ATG9A: variants seen among roughly 807,000 people sequenced by gnomAD.
The protein encoded by ATG9A is autophagy related 9A, also known as autophagy-related protein 9A.
In ATG9A, 21 loss-of-function variants were observed where a neutral mutation model predicts 87.1. That is an observed-to-expected ratio of 0.24 (90% CI 0.17 to 0.35). The LOEUF (loss-of-function observed/expected upper bound fraction) is 0.35, where lower values mean the gene tolerates loss of function less well. Among genes scored for constraint, ATG9A ranks in the 10% least tolerant of loss-of-function variants. The pLI, the probability that ATG9A is intolerant of heterozygous loss-of-function variation, is 1.00. For synonymous variants in ATG9A, 422 were observed against 441.3 expected, an observed-to-expected ratio of 0.96 and a Z score of 0.55; for missense variants, 836 against 1,107.3, an observed-to-expected ratio of 0.76 and a Z score of 3.48.
At position 219,223,614 on chromosome 2, in the gene ATG9A, T is replaced by A. The variant is rs1950807781; in HGVS notation, c.1570A>T (p.Met524Leu). ...GGATGACCATGCTGGCGAACATCCA[T>A]CTGAGCAAAGGAGCAGGTATCTCCC... The part of the protein sequence containing the change: ...GVGDTCSFAQ[M>L]DVRQHGHPQW... Residue 524 changes from methionine to leucine, a missense_variant, in exon 10 of 16, where the codon ATG becomes TTG. Coordinates refer to ENST00000361242, the MANE Select transcript of ATG9A (RefSeq NM_001077198.3). The surrounding 1 kb of genome is among the most constrained non-coding windows in gnomAD (Gnocchi z 4.7). 1.2e-6 allele frequency: 2 copies of A among 1,611,646 alleles called. No individual in the cohort carries two copies. Among genetic ancestry groups the A allele is most frequent in the African/African-American group, 1.3e-5 (1 of 74,810 alleles).
In ATG9A at chr2:219,223,232, C is replaced by T. The variant is rs923048670; in HGVS notation, c.1600-339G>A. On this transcript the variant is annotated intron_variant, in intron 10 of 15. Coordinates refer to ENST00000361242, the MANE Select transcript of ATG9A (RefSeq NM_001077198.3). This position sits in a 1 kb window ranked among gnomAD's most constrained non-coding sequence, Gnocchi z 4.7. ...CCTCCCGAGTAGCTGGGACTACAGG[C>T]GCCCGCTACCACGCCTGGCTAATTT... Among the ~76,000 whole-genome samples, 28 of 152,034 alleles carry T rather than the reference C, an allele frequency of 1.8e-4. No individual in the cohort carries two copies. Among genetic ancestry groups the T allele is most frequent in the Non-Finnish European group, 3.4e-4 (23 of 68,024 alleles).
Position 219,229,552 on chromosome 2 carries a change from G to A in ATG9A, c.-99C>T, listed in dbSNP as rs1007920214. The A allele has an allele frequency of 6.5e-6, 1 of 152,712 alleles. No homozygotes were observed. Among genetic ancestry groups the A allele is most frequent in the African/African-American group, 2.4e-5 (1 of 41,458 alleles). 9.5% of individuals were successfully genotyped at this position (152,712 alleles called of 1,614,324 possible). On this transcript the variant is annotated 5_prime_UTR_variant, in exon 1 of 16. Transcript: ENST00000361242. The surrounding 1 kb of genome is among the most constrained non-coding windows in gnomAD (Gnocchi z 4.2). ...CGTCTTACCTCAGGAACAGCGACCC[G>A]GGTGATTCCAGAGGCTCCGCCGGCT...
Position 219,222,478 on chromosome 2 carries a change from C to A in ATG9A, c.1849-28G>T. The A allele has an allele frequency of 1.3e-6, 2 of 1,543,450 alleles. No homozygotes were observed. The highest frequency in any genetic ancestry group is 8.7e-7 in the Non-Finnish European group (1 of 1,146,380). Reference sequence around the variant, plus strand: ...ATGAACGAAACGGGTAGGTAGAATTCTTGAGGCAAGAGAAAGGTCTCTGGG... The same window carrying A: ...ATGAACGAAACGGGTAGGTAGAATTATTGAGGCAAGAGAAAGGTCTCTGGG... On this transcript the variant is annotated intron_variant, in intron 11 of 15. Coordinates refer to ENST00000361242, the MANE Select transcript of ATG9A (RefSeq NM_001077198.3). The surrounding 1 kb of genome is among the most constrained non-coding windows in gnomAD (Gnocchi z 4.3).
intron 13 of ATG9A, among the ~76,000 whole-genome samples, chr2:219,221,556 G>T (rs1177835801): frequency 6.6e-6 from 1 of 152,160 alleles, no homozygotes; most frequent in African/African-American, 2.4e-5. Flanking sequence ...CAAACTGACT[G>T]ACGGTCTAAG....
intron 4 of ATG9A, 71 bp downstream of exon 4, chr2:219,227,699 C>G (rs1950891104): frequency 5.8e-6 from 9 of 1,561,312 alleles, no homozygotes; most frequent in Non-Finnish European, 7.9e-6. Context: ...CTACCCCCAC[C>G]TCCCACCAGA....
At chr2:219,221,448 A>G in intron 13 of ATG9A, 146 bp from the exon 14 acceptor site, 3 of 707,178 alleles carry the variant, frequency 4.2e-6, no homozygotes, top group Non-Finnish European at 6.8e-6. Flanking sequence ...ATAGTGTGTA[A>G]TATACCTCTG....
chr2:219,222,249 C>A lies in ATG9A; in HGVS notation c.2027+23G>T. The A allele has an allele frequency of 6.2e-7, 1 of 1,613,494 alleles. No individual in the cohort carries two copies. The highest frequency in any genetic ancestry group is 8.5e-7 in the Non-Finnish European group (1 of 1,179,934). On this transcript the variant is annotated intron_variant, in intron 12 of 15. Coordinates refer to ENST00000361242, the MANE Select transcript of ATG9A (RefSeq NM_001077198.3). The surrounding 1 kb of genome is among the most constrained non-coding windows in gnomAD (Gnocchi z 4.3). ...GCTGCTGAGGGCTGCCGTGCCCTCCCATCTTGGCCCCGATTTACTCACCCA... is the reference window on the plus strand; with the variant it reads ...GCTGCTGAGGGCTGCCGTGCCCTCCAATCTTGGCCCCGATTTACTCACCCA...
At position 219,220,254 on chromosome 2, in the gene ATG9A, C is replaced by T. The variant is rs753991659; in HGVS notation, c.*193G>A. 3.0e-6 allele frequency: 2 copies of T among 674,256 alleles called. No homozygotes were observed. Among genetic ancestry groups the T allele is most frequent in the Non-Finnish European group, 4.9e-6 (2 of 406,006 alleles). The allele number at this position is 674,256 out of a possible 1,614,324, so 41.8% of individuals were successfully genotyped here. The stretch of plus-strand genomic sequence containing the variant: ...CTAGAGTCCCGTGTGCCCTCGGTTC[C>T]TAGGCCCCAAATTCCTCTCCTGGGG... On this transcript the variant is annotated 3_prime_UTR_variant, in exon 16 of 16. Coordinates refer to ENST00000361242, the MANE Select transcript of ATG9A (RefSeq NM_001077198.3).
At chr2:219,226,443 G>A (rs868518134) in intron 5 of ATG9A, among the ~76,000 whole-genome samples, 3 of 152,092 alleles carry the variant, frequency 2.0e-5, no homozygotes, top group African/African-American at 7.2e-5. Context: ...CCGGCACTTC[G>A]GGAGGTTGAG....
At position 219,221,102 on chromosome 2, in the gene ATG9A, C is replaced by G; in HGVS notation, c.2346G>C (p.Gln782His). Residue 782 changes from glutamine (Q) to histidine (H), a missense_variant, in exon 14 of 16, where the codon CAG becomes CAC. Gln to His is a conservative substitution (Grantham distance 24). Transcript: ENST00000361242. ...PETTALHGGF[Q>H]RRYGGITDPG... ...TACCTGTGATGCCACCGTAGCGCCT[C>G]TGGAAGCCCCCATGCAGGGCAGTGG... The G allele has an allele frequency of 6.2e-7, 1 of 1,613,184 alleles. No individual in the cohort carries two copies. The highest frequency in any genetic ancestry group is 8.5e-7 in the Non-Finnish European group (1 of 1,179,624).
chr2:219,224,108 G>A lies in ATG9A; in HGVS notation c.1263C>T (p.Cys421=). Residue 421 remains cysteine, a splice_region_variant and synonymous_variant, in exon 8 of 16, where the codon TGC becomes TGT. Coordinates refer to ENST00000361242, the MANE Select transcript of ATG9A (RefSeq NM_001077198.3). This position sits in a 1 kb window ranked among gnomAD's most constrained non-coding sequence, Gnocchi z 7.7. The stretch of plus-strand genomic sequence containing the variant: ...TCCCGCCTGTGGCCCTGGCCCACCT[G>A]CACACGGTCACGGTGACCCCCAGGA... ...VTLLGVTVTV[C]RSFIPDQHMV... is the part of the protein sequence containing the mutation. 6.2e-7 allele frequency: 1 copy of A among 1,612,382 alleles called. No individual in the cohort carries two copies. The highest frequency in any genetic ancestry group is 1.3e-5 in the African/African-American group (1 of 75,028).
At chr2:219,225,596 G>A (rs777615904) in intron 5 of ATG9A, 24 bp from the exon 6 acceptor site, 47 of 1,611,470 alleles carry the variant, frequency 2.9e-5, no homozygotes, top group Middle Eastern at 1.7e-4. Context: ...AAGAAGGGGT[G>A]CAGTCTGAGA....
chr2:219,229,620 C>T lies in ATG9A; in HGVS notation c.-167G>A, dbSNP rs1405893617. 1.3e-5 allele frequency: 2 copies of T among 152,752 alleles called. No homozygotes were observed. Among genetic ancestry groups the T allele is most frequent in the African/African-American group, 2.4e-5 (1 of 41,462 alleles). 9.5% of individuals were successfully genotyped at this position (152,752 alleles called of 1,614,324 possible). A position where few individuals can be genotyped will look rare whatever the true frequency, so the allele number is the denominator to read the frequency against. On this transcript the variant is annotated 5_prime_UTR_variant, in exon 1 of 16. Coordinates refer to ENST00000361242, the MANE Select transcript of ATG9A (RefSeq NM_001077198.3). The surrounding 1 kb of genome is among the most constrained non-coding windows in gnomAD (Gnocchi z 4.2). ...GCTCGGCGCGACCCGCGGCGCTAGGCCGGGTGTCTGCCACTCACTGTCACC... is the reference window on the plus strand; with the variant it reads ...GCTCGGCGCGACCCGCGGCGCTAGGTCGGGTGTCTGCCACTCACTGTCACC...
intron 7 of ATG9A, 41 bp downstream of exon 7, chr2:219,225,030 G>A (rs568673865): frequency 6.0e-5 from 97 of 1,611,848 alleles, no homozygotes; most frequent in African/African-American, 1.7e-4. Flanking sequence ...CTCCCAATAC[G>A]TCTTAGACTA....
At chr2:219,227,444 G>A (rs564090745) in intron 4 of ATG9A, among the ~76,000 whole-genome samples, 1 of 152,158 alleles carries the variant, frequency 6.6e-6, no homozygotes, top group Non-Finnish European at 1.5e-5. Flanking sequence ...TTGAACCCAG[G>A]AGGTGGAGGT....
rs370677036 is a variant in ATG9A, at chr2:219,223,905, G to A, written c.1383C>T (p.Thr461=). The change falls in exon 9 of 16, where the codon ACC becomes ACT. Residue 461 remains threonine, a synonymous_variant. Coordinates refer to ENST00000361242, the MANE Select transcript of ATG9A (RefSeq NM_001077198.3). The surrounding 1 kb of genome is among the most constrained non-coding windows in gnomAD (Gnocchi z 4.7). ...HWQGNAHRSQ[T]RDEFAQLFQY... ...GGAAGAGCTGGGCAAACTCGTCCCG[G>A]GTCTGCGAGCGGTGGGCATTACCCT... is the stretch of plus-strand genomic sequence containing the variant. The A allele has an allele frequency of 2.6e-5, 42 of 1,614,148 alleles. No individual in the cohort carries two copies. Among genetic ancestry groups the A allele is most frequent in the Middle Eastern group, 3.3e-4 (2 of 6,062 alleles).
chr2:219,228,236 T>G (rs1950908583), intron 2 of ATG9A, among the ~76,000 whole-genome samples, 183 bp from the exon 3 acceptor site: 1 of 152,098 alleles, frequency 6.6e-6, no homozygotes, highest in Non-Finnish European at 1.5e-5. Context: ...GAGCCTTAAC[T>G]CTGGCCAGTC....
In ATG9A at chr2:219,223,835, G is replaced by T. The variant is rs1333025144; in HGVS notation, c.1419+34C>A. On this transcript the variant is annotated intron_variant, in intron 9 of 15. Coordinates refer to ENST00000361242, the MANE Select transcript of ATG9A (RefSeq NM_001077198.3). The surrounding 1 kb of genome is among the most constrained non-coding windows in gnomAD (Gnocchi z 4.7). ...GCCCTCACCACCGAGCTACCAGCCAGTCTCTAGCAGGCCCTAACTCCAACT... is the reference window on the plus strand; with the variant it reads ...GCCCTCACCACCGAGCTACCAGCCATTCTCTAGCAGGCCCTAACTCCAACT... 6.2e-7 allele frequency: 1 copy of T among 1,614,030 alleles called. No homozygotes were observed. The highest frequency in any genetic ancestry group is 8.5e-7 in the Non-Finnish European group (1 of 1,180,032).
chr2:219,224,585 CAGAG>C lies in ATG9A; in HGVS notation c.782_785del (p.Ser261CysfsTer19). The C allele has an allele frequency of 6.2e-7, 1 of 1,614,192 alleles. No individual in the cohort carries two copies. Among genetic ancestry groups the C allele is most frequent in the Non-Finnish European group, 8.5e-7 (1 of 1,180,046 alleles). ...CCTTGAGGCTCCATTCATTGAGAAA[CAGAG>C]AGCCAGGTCCCCAGAAGAGGATCAG... On this transcript the variant is annotated frameshift_variant, in exon 8 of 16. Transcript: ENST00000361242. LOFTEE classifies it high-confidence loss of function. This position sits in a 1 kb window ranked among gnomAD's most constrained non-coding sequence, Gnocchi z 7.7.
Sources: gnomAD v4.1 joint callset for allele counts (sites outside exome capture counted in the v4.1 genomes callset) on GRCh38, gnomAD v4.1.1 for gene constraint, Gnocchi (gnomAD v3.1) non-coding constraint, MANE v1.5 for transcripts, NCBI Gene and HGNC (gene_info 2026-07-23, HGNC 2026-07-21) for gene names.